The following FHIP2A variants were observed in gnomAD, a reference collection of about 807,000 sequenced individuals.
FHIP2A encodes the protein FHF complex subunit HOOK interacting protein 2A.
In FHIP2A, 46 loss-of-function variants were observed where a neutral mutation model predicts 93.5. The ratio of observed to expected loss-of-function variants is 0.49; its 90% CI spans 0.39 to 0.63. FHIP2A has a LOEUF of 0.63. Ranked by LOEUF, FHIP2A falls within the 20% of genes least tolerant of loss-of-function variation. The pLI is 0.00. For synonymous variants in FHIP2A, 332 were observed against 326.5 expected, an observed-to-expected ratio of 1.02 and a Z score of -0.18; for missense variants, 769 against 909.7, an observed-to-expected ratio of 0.85 and a Z score of 1.99.
At position 114,861,317 on chromosome 10, in the gene FHIP2A, G is replaced by T; in HGVS notation, c.2175G>T (p.Leu725Phe). 5 of 1,614,128 alleles carry T rather than the reference G, an allele frequency of 3.1e-6. No homozygotes were observed. The highest frequency in any genetic ancestry group is 4.2e-6 in the Non-Finnish European group (5 of 1,180,016). Residue 725 changes from leucine (L) to phenylalanine (F), a missense_variant, in exon 16 of 17, where the codon TTG becomes TTT. By Grantham distance (22) the Leu-to-Phe change is conservative. Coordinates refer to ENST00000369248, the MANE Select transcript of FHIP2A (RefSeq NM_020940.4). The part of the protein sequence containing the change: ...LLLVRKRLLG[L>F]EPEGPIIDHI... ...TAGTCAGAAAGCGGTTACTTGGTTTGGAACCTGAAGGCCCTATGTAAGTTA... is the reference window on the plus strand; with the variant it reads ...TAGTCAGAAAGCGGTTACTTGGTTTTGAACCTGAAGGCCCTATGTAAGTTA...
chr10:114,894,294 C>T (rs939947015), intron 16 of FHIP2A, among the ~76,000 whole-genome samples: 1 of 151,286 alleles, frequency 6.6e-6, no homozygotes, highest in Admixed American at 6.6e-5. Flanking sequence ...CATGGTGGCT[C>T]ACGCCTGTAA....
In FHIP2A at chr10:114,855,187, T is replaced by C. The variant is rs755057978; in HGVS notation, c.1804-10T>C. 3.8e-6 allele frequency: 6 copies of C among 1,596,012 alleles called. No homozygotes were observed. The highest frequency in any genetic ancestry group is 2.2e-5 in the East Asian group (1 of 44,784). On this transcript the variant is annotated splice_polypyrimidine_tract_variant and intron_variant, in intron 13 of 16. Coordinates refer to ENST00000369248, the MANE Select transcript of FHIP2A (RefSeq NM_020940.4). Reference sequence around the variant, plus strand: ...GTTCTTTAATGATTCACATGCTTTTTTCCCCCTAGTTCCGAGACTACTGTG... The same window carrying C: ...GTTCTTTAATGATTCACATGCTTTTCTCCCCCTAGTTCCGAGACTACTGTG...
intron 16 of FHIP2A, among the ~76,000 whole-genome samples, chr10:114,890,518 T>C (rs1365094644): frequency 6.8e-6 from 1 of 146,308 alleles, no homozygotes; most frequent in African/African-American, 2.6e-5. Context: ...ATATAAAATA[T>C]ACGCTATATA....
At chr10:114,843,278 AT>A in intron 6 of FHIP2A, 52 bp downstream of exon 6, 1 of 1,085,666 alleles carries the variant, frequency 9.2e-7, no homozygotes, top group Non-Finnish European at 1.2e-6. Context: ...AATAATGTGT[AT>A]TTATTTATTT....
At position 114,833,295 on chromosome 10, in the gene FHIP2A, C is replaced by T; in HGVS notation, c.187C>T (p.Leu63=). The part of the protein sequence containing the change: ...PSHLEQMLDI[L]VQEENERESG... ...GCATCTGGAACAGATGTTAGATATA[C>T]TGGTTCAAGAAGAAAATGAACGGGA... Residue 63 remains leucine, a synonymous_variant, in exon 3 of 17, where the codon CTG becomes TTG. Transcript: ENST00000369248. The T allele has an allele frequency of 6.2e-7, 1 of 1,613,304 alleles. No homozygotes were observed. The highest frequency in any genetic ancestry group is 8.5e-7 in the Non-Finnish European group (1 of 1,179,320).
At chr10:114,823,406 T>C (rs767377918) in intron 1 of FHIP2A, among the ~76,000 whole-genome samples, 12 of 152,326 alleles carry the variant, frequency 7.9e-5, no homozygotes, top group Non-Finnish European at 1.6e-4. Flanking sequence ...CACTCTACTT[T>C]TGTTGAAAGA....
intron 16 of FHIP2A, among the ~76,000 whole-genome samples, chr10:114,895,951 C>A (rs979175765): frequency 3.9e-5 from 6 of 152,132 alleles, no homozygotes; most frequent in Non-Finnish European, 8.8e-5. Context: ...CATTACTCAG[C>A]CCCAAATCCA....
At chr10:114,847,316 T>C (rs928280123) in intron 12 of FHIP2A, 83 bp downstream of exon 12, 3 of 1,304,266 alleles carry the variant, frequency 2.3e-6, no homozygotes, top group Admixed American at 4.3e-5. Context: ...TGAGATGGAG[T>C]CTTGCTCTGT....
downstream of FHIP2A, among the ~76,000 whole-genome samples, chr10:114,866,406 ACTT>A: frequency 6.6e-6 from 1 of 152,208 alleles, no homozygotes; most frequent in Middle Eastern, 3.4e-3. Context: ...TCAGTTTTTA[ACTT>A]TATTTGGTAA....
In FHIP2A at chr10:114,835,544, C is replaced by T. The variant is rs370677823; in HGVS notation, c.302C>T (p.Pro101Leu). The T allele has an allele frequency of 9.3e-6, 15 of 1,607,856 alleles. No homozygotes were observed. Among genetic ancestry groups the T allele is most frequent in the South Asian group, 2.2e-5 (2 of 90,860 alleles). The change falls in exon 4 of 17, where the codon CCG becomes CTG. Residue 101 changes from proline to leucine, a missense_variant. Physicochemically the swap from Pro to Leu is moderately conservative, Grantham distance 98 (BLOSUM62 -3). Transcript: ENST00000369248. ...CTTTTTTCCTATACCCAGTGTCCTC[C>T]GGGAATGAAACAGCAGGTTTTGGTT... Reference protein sequence around the residue: ...LYTLGKADCPPGMKQQVLVFY... With the variant: ...LYTLGKADCPLGMKQQVLVFY...
chr10:114,895,706 A>T (rs545174297), intron 16 of FHIP2A, among the ~76,000 whole-genome samples: 1 of 152,200 alleles, frequency 6.6e-6, no homozygotes. Context: ...GAGTAAATAC[A>T]TGGTAGCATT....
chr10:114,896,909 AAAAGT>A (rs1201343944), intron 16 of FHIP2A, among the ~76,000 whole-genome samples: 1 of 152,214 alleles, frequency 6.6e-6, no homozygotes, highest in Non-Finnish European at 1.5e-5. Context: ...TGTGTATGTA[AAAAGT>A]AAAGTAAAGG....
chr10:114,835,113 A>G (rs1250971814), intron 3 of FHIP2A, among the ~76,000 whole-genome samples: 2 of 121,886 alleles, frequency 1.6e-5, no homozygotes, highest in South Asian at 5.4e-4. Flanking sequence ...CTACATATAT[A>G]TGATGGAAAG....
rs1368996693 is a variant in FHIP2A, at chr10:114,833,344, T to C, written c.236T>C (p.Met79Thr). Residue 79 changes from methionine (M) to threonine (T), a missense_variant, in exon 3 of 17, where the codon ATG becomes ACG. Met to Thr is a moderately conservative substitution (Grantham distance 81). Coordinates refer to ENST00000369248, the MANE Select transcript of FHIP2A (RefSeq NM_020940.4). ...ERESGETGPC[M>T]EYLLHHKILE... is the part of the protein sequence containing the mutation. ...GAATCTGGAGAGACAGGGCCATGTA[T>C]GGAATATTTGCTTCATCACAAGATC... 5 of 1,613,968 alleles carry C rather than the reference T, an allele frequency of 3.1e-6. No individual in the cohort carries two copies. In the South Asian group the frequency reaches 5.5e-5, roughly 18 times the overall value.
chr10:114,845,640 GT>G (rs1382118809), intron 8 of FHIP2A, among the ~76,000 whole-genome samples, 159 bp downstream of exon 8: 2 of 152,118 alleles, frequency 1.3e-5, no homozygotes, highest in African/African-American at 4.8e-5. Context: ...GTTTGTATGT[GT>G]GTATTACAAT....
chr10:114,886,576 G>A (rs183319180), intron 16 of FHIP2A, among the ~76,000 whole-genome samples: 1 of 151,956 alleles, frequency 6.6e-6, no homozygotes, highest in Non-Finnish European at 1.5e-5. Context: ...ACAGAGTCTC[G>A]CTTTGTCACC....
At chr10:114,895,965 T>G (rs2083999435) in intron 16 of FHIP2A, among the ~76,000 whole-genome samples, 1 of 152,188 alleles carries the variant, frequency 6.6e-6, no homozygotes, top group South Asian at 2.1e-4. Context: ...AAATCCACCC[T>G]TTATTGCCTG....
At chr10:114,866,622 A>T (rs2083830530), downstream of FHIP2A, among the ~76,000 whole-genome samples, 1 of 152,226 alleles carries the variant, frequency 6.6e-6, no homozygotes, top group African/African-American at 2.4e-5. Context: ...TGAACCAGGT[A>T]TTAAGGTGCT....
intron 1 of FHIP2A, among the ~76,000 whole-genome samples, chr10:114,822,901 A>C (rs1424008244): frequency 6.6e-6 from 1 of 152,250 alleles, no homozygotes; most frequent in Non-Finnish European, 1.5e-5. Flanking sequence ...ACACCAGCAT[A>C]GAGACAGTAT....
Sources: allele counts gnomAD v4.1 joint callset (sites outside exome capture counted in the v4.1 genomes callset), GRCh38; gene constraint gnomAD v4.1.1; transcripts MANE v1.5; gene names NCBI Gene and HGNC (gene_info 2026-07-23, HGNC 2026-07-21).